Variants in BAHCC1 observed in about 807,000 individuals in gnomAD.
BAHCC1 encodes the protein BAH and coiled-coil domain-containing protein 1.
A neutral mutation model predicts 88.2 loss-of-function variants in BAHCC1; 43 were observed. That is an observed-to-expected ratio of 0.49 (90% CI 0.38 to 0.63). BAHCC1 has a LOEUF of 0.63. BAHCC1 is among the 20% of genes least tolerant of loss of function. The pLI, the probability that BAHCC1 is intolerant of heterozygous loss-of-function variation, is 0.00. For missense variants in BAHCC1, 3,023 were observed against 1,654.8 expected, an observed-to-expected ratio of 1.83 and a Z score of -14.34; for synonymous variants, 1,510 against 745.5, an observed-to-expected ratio of 2.03 and a Z score of -16.71.
At chr17:81,404,070 G>A (rs1010981495) in intron 2 of BAHCC1, among the ~76,000 whole-genome samples, 6 of 152,120 alleles carry the variant, frequency 3.9e-5, no homozygotes, top group African/African-American at 1.2e-4. Flanking sequence ...AACGTTCCCC[G>A]GTTATTCTTA....
intron 8 of BAHCC1, 21 bp from the exon 9 acceptor site, chr17:81,444,994 C>T (rs1555653915): frequency 8.2e-6 from 6 of 728,308 alleles, no homozygotes; most frequent in East Asian, 7.6e-5. Flanking sequence ...CAGGCTGACC[C>T]CTCCTGGGCC....
At chr17:81,449,429 G>A (rs2064592903) in intron 11 of BAHCC1, among the ~76,000 whole-genome samples, 3 of 152,196 alleles carry the variant, frequency 2.0e-5, no homozygotes, top group Admixed American at 1.3e-4. Flanking sequence ...CAGACAGCAA[G>A]ATTTGCAGAG....
chr17:81,444,567 C>T lies in BAHCC1; in HGVS notation c.2511C>T (p.Tyr837=), dbSNP rs782091380. 6.9e-6 allele frequency: 5 copies of T among 729,708 alleles called. No individual in the cohort carries two copies. Among genetic ancestry groups the T allele is most frequent in the East Asian group, 2.5e-5 (1 of 40,652 alleles). The allele number at this position is 729,708 out of a possible 1,614,324, so 45.2% of individuals were successfully genotyped here. A position where few individuals can be genotyped will look rare whatever the true frequency, so the allele number is the denominator to read the frequency against. The stretch of plus-strand genomic sequence containing the variant: ...CCCTGTGGATGGGGGGGCACTCCTA[C>T]GGTCAGTGATCCAAGGGCGGGGGCT... ...SPSLWMGGHS[Y]GLGHPALHQN... The change falls in exon 7 of 28, where the codon TAC becomes TAT. Residue 837 remains tyrosine (Y), a splice_region_variant and synonymous_variant. Transcript: ENST00000675386.
In BAHCC1 at chr17:81,444,492, C is replaced by T. The variant is rs552113599; in HGVS notation, c.2436C>T (p.Ala812=). The T allele has an allele frequency of 1.6e-5, 11 of 706,820 alleles. No individual in the cohort carries two copies. Among genetic ancestry groups the T allele is most frequent in the South Asian group, 1.3e-4 (9 of 66,940 alleles). The allele number at this position is 706,820 out of a possible 1,614,324, so 43.8% of individuals were successfully genotyped here. A position where few individuals can be genotyped will look rare whatever the true frequency, so the allele number is the denominator to read the frequency against. ...GCGGCCAGCTGGGCGGGGACCCAGC[C>T]CCCCACACCCACCCCCATCCCCCCT... is the stretch of plus-strand genomic sequence containing the variant. The part of the protein sequence containing the change: ...MQSGQLGGDP[A]PHTHPHPPWL... Residue 812 remains alanine (A), a synonymous_variant, in exon 7 of 28, where the codon GCC becomes GCT. Transcript: ENST00000675386.
chr17:81,446,479 A>G (rs1209872398), intron 10 of BAHCC1, among the ~76,000 whole-genome samples: 1 of 137,176 alleles, frequency 7.3e-6, no homozygotes, highest in Non-Finnish European at 1.5e-5. Context: ...GGGAGCTTCA[A>G]GGCCACTCTT....
chr17:81,439,337 G>A (rs1416374293), intron 4 of BAHCC1, among the ~76,000 whole-genome samples: 1 of 152,202 alleles, frequency 6.6e-6, no homozygotes, highest in Admixed American at 6.5e-5. Flanking sequence ...ACAGGTGTGG[G>A]GCCCCACAGG....
chr17:81,458,525 T>TCCCCCCCCCCCCCCCCCCCCCCCC, intron 18 of BAHCC1, 59 bp downstream of exon 18: 1 of 540,136 alleles, frequency 1.9e-6, no homozygotes. Flanking sequence ...GGAAAGGCCT[T>TCCCCCCCCCCCCCCCCCCCCCCCC]CCCCGCCCTC....
intron 16 of BAHCC1, among the ~76,000 whole-genome samples, chr17:81,457,131 T>C (rs1231246310): frequency 1.3e-5 from 2 of 151,786 alleles, no homozygotes; most frequent in Non-Finnish European, 2.9e-5. Context: ...GGAAGGGACT[T>C]TCTGGGGAGG....
intron 2 of BAHCC1, among the ~76,000 whole-genome samples, chr17:81,425,022 A>C (rs2143387298): frequency 9.2e-6 from 1 of 108,902 alleles, no homozygotes; most frequent in Middle Eastern, 8.5e-3. Flanking sequence ...GTTGGTGATG[A>C]TGTGGTTGGG....
intron 2 of BAHCC1, among the ~76,000 whole-genome samples, chr17:81,417,118 C>T (rs369644579): frequency 1.3e-5 from 2 of 152,016 alleles, no homozygotes; most frequent in African/African-American, 4.8e-5. Context: ...TGCAGGGACC[C>T]GAGGGCCAGG....
chr17:81,444,353 C>T (rs901765902), intron 6 of BAHCC1, 28 bp from the exon 7 acceptor site: 13 of 716,836 alleles, frequency 1.8e-5, no homozygotes, highest in Middle Eastern at 2.4e-4. Flanking sequence ...TTGGCGCCGG[C>T]GGCAGGGCTG....
rs987537975 is a variant in BAHCC1, at chr17:81,461,577, G to A, written c.6914G>A (p.Gly2305Asp). The change falls in exon 26 of 28, where the codon GGC (glycine) becomes GAC (aspartate). Residue 2305 changes from glycine to aspartate, a missense_variant. Transcript: ENST00000675386. ...GAGGACGGGCCGGGGCTGGCGGCCGGCGTGCCCTCCCGCTTCCTCGCCCGC... is the reference window on the plus strand; with the variant it reads ...GAGGACGGGCCGGGGCTGGCGGCCGACGTGCCCTCCCGCTTCCTCGCCCGC... Reference protein sequence around the residue: ...EDEDGPGLAAGVPSRFLARLS... With the variant: ...EDEDGPGLAADVPSRFLARLS... 1 of 720,254 alleles carries A rather than the reference G, an allele frequency of 1.4e-6. No homozygotes were observed. Among genetic ancestry groups the A allele is most frequent in the Non-Finnish European group, 2.6e-6 (1 of 387,128 alleles). 44.6% of individuals were successfully genotyped at this position (720,254 alleles called of 1,614,324 possible).
chr17:81,399,938 G>A lies in BAHCC1; in HGVS notation c.178+21G>A. The stretch of plus-strand genomic sequence containing the variant: ...CACAGGTCAGTGCTCGGCCGGGGCG[G>A]GCGCGGGACGGGAGCGTTCGAGAGC... On this transcript the variant is annotated intron_variant, in intron 2 of 27. Transcript: ENST00000675386. This position sits in a 1 kb window ranked among gnomAD's most constrained non-coding sequence, Gnocchi z 4.5. 3 of 1,340,614 alleles carry A rather than the reference G, an allele frequency of 2.2e-6. No individual in the cohort carries two copies. Among genetic ancestry groups the A allele is most frequent in the Non-Finnish European group, 2.9e-6 (3 of 1,043,358 alleles). 83.0% of individuals were successfully genotyped at this position (1,340,614 alleles called of 1,614,324 possible).
At chr17:81,446,960 C>T (rs1452976634) in intron 10 of BAHCC1, 76 bp from the exon 11 acceptor site, 1 of 757,962 alleles carries the variant, frequency 1.3e-6, no homozygotes, top group Non-Finnish European at 2.4e-6. Flanking sequence ...TTCGAGGCCA[C>T]TGTCCTCCGT....
intron 2 of BAHCC1, among the ~76,000 whole-genome samples, chr17:81,418,810 CGTGT>C (rs70938163): frequency 8.1e-4 from 118 of 146,424 alleles, no homozygotes; most frequent in Non-Finnish European, 1.4e-3. Context: ...TGTGTGTGTA[CGTGT>C]GTGTGTGTGT....
At chr17:81,451,631 C>T in intron 11 of BAHCC1, 37 bp from the exon 12 acceptor site, 1 of 756,094 alleles carries the variant, frequency 1.3e-6, no homozygotes, top group African/African-American at 1.7e-5. Context: ...CAGTGTGTGC[C>T]CAGTTATGCC....
chr17:81,444,142 C>T (rs1555653595), intron 6 of BAHCC1: 4 of 602,652 alleles, frequency 6.6e-6, no homozygotes, highest in African/African-American at 5.6e-5. Flanking sequence ...CTTTCAGGGG[C>T]CAGGAGATGG....
At chr17:81,451,643 A>T in intron 11 of BAHCC1, 25 bp from the exon 12 acceptor site, 1 of 768,512 alleles carries the variant, frequency 1.3e-6, no homozygotes, top group African/African-American at 1.7e-5. Context: ...AGTTATGCCC[A>T]TGCTGACCTT....
Position 81,442,326 on chromosome 17 carries a change from G to GC in BAHCC1, c.983dup (p.Glu329GlyfsTer46). The GC allele has an allele frequency of 8.8e-6, 6 of 679,422 alleles. No individual in the cohort carries two copies. Among genetic ancestry groups the GC allele is most frequent in the African/African-American group, 1.8e-5 (1 of 55,502 alleles). 42.1% of individuals were successfully genotyped at this position (679,422 alleles called of 1,614,324 possible). On this transcript the variant is annotated frameshift_variant, in exon 5 of 28. Transcript: ENST00000675386. LOFTEE classifies it high-confidence loss of function. The stretch of plus-strand genomic sequence containing the variant: ...GGGCGCTGTGCAAAGGAGGCAGCAG[G>GC]CCCCCCGGAGCCCGGGCCGGCCTTC...
Sources: allele counts gnomAD v4.1 joint callset (sites outside exome capture counted in the v4.1 genomes callset), GRCh38; gene constraint gnomAD v4.1.1; non-coding constraint Gnocchi (gnomAD v3.1); transcripts MANE v1.5; gene names NCBI Gene and HGNC (gene_info 2026-07-23, HGNC 2026-07-21).